The following ASIC2 variants were observed in gnomAD, a reference collection of about 807,000 sequenced individuals.
ASIC2 encodes acid sensing ion channel subunit 2.
Under a neutral mutation model 57.3 loss-of-function variants are expected in ASIC2, and 25 were observed. The observed-to-expected ratio is 0.44, with a 90% confidence interval of 0.32 to 0.61. ASIC2 has a LOEUF of 0.61. Among genes scored for constraint, ASIC2 ranks in the 20% least tolerant of loss-of-function variants. The pLI is 0.06. For synonymous variants in ASIC2, 319 were observed against 307.5 expected, an observed-to-expected ratio of 1.04 and a Z score of -0.39; for missense variants, 641 against 738.1, an observed-to-expected ratio of 0.87 and a Z score of 1.52.
chr17:33,922,746 T>C (rs1052701316), intron 1 of ASIC2, among the ~76,000 whole-genome samples: 1 of 152,216 alleles, frequency 6.6e-6, no homozygotes, highest in African/African-American at 2.4e-5. Flanking sequence ...TAACAAACTT[T>C]CCTACTGCTG....
chr17:33,530,273 A>T (rs1390424728), intron 1 of ASIC2: 1 of 152,230 alleles, frequency 6.6e-6, no homozygotes, highest in African/African-American at 2.4e-5. Context: ...CCAACACAGA[A>T]CCTAAATGCT....
chr17:33,092,483 A>G (rs1410829806), intron 2 of ASIC2, among the ~76,000 whole-genome samples: 1 of 152,226 alleles, frequency 6.6e-6, no homozygotes, highest in African/African-American at 2.4e-5. Flanking sequence ...AATCTCCTAG[A>G]TGGCTTGGGT....
intron 1 of ASIC2, among the ~76,000 whole-genome samples, chr17:33,628,100 T>C (rs2142025085): frequency 6.6e-6 from 1 of 152,240 alleles, no homozygotes; most frequent in Middle Eastern, 3.4e-3. Flanking sequence ...AGGACAACCC[T>C]GATTGGACCT....
At chr17:33,478,525 G>T (rs571914790) in intron 1 of ASIC2, among the ~76,000 whole-genome samples, 2 of 152,182 alleles carry the variant, frequency 1.3e-5, no homozygotes, top group Non-Finnish European at 2.9e-5. Context: ...GGCCTGAGAG[G>T]TCGCTTCTCT....
chr17:33,919,472 G>A (rs1915662959), intron 1 of ASIC2, among the ~76,000 whole-genome samples: 1 of 152,110 alleles, frequency 6.6e-6, no homozygotes, highest in Non-Finnish European at 1.5e-5. Context: ...ATATGCAGAA[G>A]AATGAAACTG....
At chr17:33,804,631 C>G (rs999121732) in intron 1 of ASIC2, among the ~76,000 whole-genome samples, 1 of 152,186 alleles carries the variant, frequency 6.6e-6, no homozygotes, top group South Asian at 2.1e-4. Flanking sequence ...CACCTTTGAA[C>G]GATGCCTTTC....
intron 1 of ASIC2, among the ~76,000 whole-genome samples, chr17:33,799,537 A>G (rs1447836258): frequency 7.1e-6 from 1 of 141,520 alleles, no homozygotes; most frequent in African/African-American, 2.7e-5. Flanking sequence ...TTCTTCCACA[A>G]GCTTTCAAAA....
chr17:33,968,911 G>A (rs944753520), intron 1 of ASIC2, among the ~76,000 whole-genome samples: 3 of 152,250 alleles, frequency 2.0e-5, no homozygotes, highest in Admixed American at 6.5e-5. Context: ...TGTGACAGGT[G>A]GTGAAGGGTG....
At chr17:33,042,191 T>A (rs1463723065) in intron 3 of ASIC2, among the ~76,000 whole-genome samples, 1 of 152,158 alleles carries the variant, frequency 6.6e-6, no homozygotes, top group African/African-American at 2.4e-5. Context: ...AACAGAGGCA[T>A]CAAAGGGGTC....
chr17:33,928,214 C>A (rs1915863111), intron 1 of ASIC2, among the ~76,000 whole-genome samples: 1 of 152,196 alleles, frequency 6.6e-6, no homozygotes, highest in African/African-American at 2.4e-5. Context: ...TTCAGAGATG[C>A]CACCCTGCTG....
chr17:33,050,309 G>A (rs184686798), intron 3 of ASIC2, among the ~76,000 whole-genome samples: 13 of 152,286 alleles, frequency 8.5e-5, no homozygotes, highest in African/African-American at 1.2e-4. Context: ...TTGACAAAAC[G>A]TATTGGCGGC....
chr17:33,444,893 C>T (rs952220009), intron 1 of ASIC2, among the ~76,000 whole-genome samples: 8 of 152,192 alleles, frequency 5.3e-5, no homozygotes, highest in Non-Finnish European at 8.8e-5. Flanking sequence ...TCCAGCTCAT[C>T]ACTTGCTTTT....
chr17:34,029,375 CAAAA>C lies in ASIC2; in HGVS notation c.555+126599_555+126602del, dbSNP rs60189628. Among the ~76,000 whole-genome samples the C allele has an allele frequency of 1.9e-3, 208 of 110,454 alleles. 1 individual carries two copies. The highest frequency in any genetic ancestry group is 5.4e-3 in the African/African-American group (189 of 35,020). 72.5% of individuals were successfully genotyped at this position (110,454 alleles called of 152,430 possible). On this transcript the variant is annotated intron_variant, in intron 1 of 9. Coordinates refer to the ASIC2 transcript ENST00000359872. The stretch of plus-strand genomic sequence containing the variant: ...GAGGAATGTCTCACAGTGCTAAAAC[CAAAA>C]AAAAAAAAAAAAAAATAGTAAAATT...
rs920007856 is a variant in ASIC2 at position 33,579,500 on chromosome 17, C to T, written c.556-467433G>A. On this transcript the variant is annotated intron_variant, in intron 1 of 9. Transcript: ENST00000359872. ...ATTGAGAATCACGTGCCTTACTGTG[C>T]CCAGAATTGTCTCCTCCTGGTGGGT... 2.6e-5 allele frequency among the ~76,000 whole-genome samples: 4 copies of T among 152,132 alleles called. No individual in the cohort carries two copies. In the Middle Eastern group the frequency reaches 0.01, roughly 388 times the overall value.
intron 1 of ASIC2, among the ~76,000 whole-genome samples, chr17:34,043,525 A>C (rs1300067390): frequency 1.3e-5 from 2 of 152,190 alleles, no homozygotes; most frequent in Non-Finnish European, 2.9e-5. Flanking sequence ...CAAATATATA[A>C]ATTTTAAAAC....
intron 1 of ASIC2, among the ~76,000 whole-genome samples, chr17:33,967,086 C>T (rs187617616): frequency 1.6e-3 from 242 of 152,224 alleles, no homozygotes; most frequent in African/African-American, 5.3e-3. Flanking sequence ...ACGCATAGCA[C>T]CTCTCTTCAG....
At chr17:34,127,302 T>G (rs1203060119) in intron 1 of ASIC2, among the ~76,000 whole-genome samples, 1 of 152,200 alleles carries the variant, frequency 6.6e-6, no homozygotes, top group African/African-American at 2.4e-5. Context: ...CCTTGCCCAG[T>G]CTGTCTCTAA....
chr17:34,138,525 T>C (rs1385239408), intron 1 of ASIC2, among the ~76,000 whole-genome samples: 1 of 152,184 alleles, frequency 6.6e-6, no homozygotes. Flanking sequence ...GCAGGCTAAA[T>C]GATTAGGATC....
chr17:33,922,035 G>A (rs1915718858), intron 1 of ASIC2, among the ~76,000 whole-genome samples: 1 of 152,124 alleles, frequency 6.6e-6, no homozygotes, highest in African/African-American at 2.4e-5. Flanking sequence ...CATTGGTCCA[G>A]GGCCACTTTG....
Sources: gnomAD v4.1 joint callset for allele counts (sites outside exome capture counted in the v4.1 genomes callset) on GRCh38, gnomAD v4.1.1 for gene constraint, MANE v1.5 for transcripts, NCBI Gene and HGNC (gene_info 2026-07-23, HGNC 2026-07-21) for gene names.